IQCM: variants seen among roughly 807,000 people sequenced by gnomAD.
The protein encoded by IQCM is IQ domain-containing protein M.
In IQCM, 45 loss-of-function variants were observed where a neutral mutation model predicts 57.6. That is an observed-to-expected ratio of 0.78 (90% CI 0.62 to 1.00). The LOEUF is 1.00. Ranked by LOEUF, IQCM falls within the 50% of genes least tolerant of loss-of-function variation. IQCM has a pLI of 0.00. For synonymous variants in IQCM, 148 were observed against 158.9 expected (o/e 0.93, Z 0.51); for missense variants, 468 against 511.6 (o/e 0.91, Z 0.82).
intron 13 of IQCM, among the ~76,000 whole-genome samples, chr4:149,391,690 G>T (rs1374887006): frequency 6.6e-6 from 1 of 151,726 alleles, no homozygotes; most frequent in Non-Finnish European, 1.5e-5. Flanking sequence ...ATTTCCATTT[G>T]TCTCAAAGTA....
At chr4:149,751,050 A>G (rs376234006) in intron 2 of IQCM, among the ~76,000 whole-genome samples, 1 of 152,294 alleles carries the variant, frequency 6.6e-6, no homozygotes, top group South Asian at 2.1e-4. Flanking sequence ...GAGCGTTTAT[A>G]TGTAAGGGAT....
chr4:149,700,133 T>C (rs1364027820), intron 5 of IQCM, among the ~76,000 whole-genome samples: 1 of 152,078 alleles, frequency 6.6e-6, no homozygotes, highest in Non-Finnish European at 1.5e-5. Context: ...GTCTCTGATG[T>C]AGAAATCCTG....
chr4:149,740,765 A>G (rs949091407), intron 3 of IQCM, among the ~76,000 whole-genome samples: 1 of 152,126 alleles, frequency 6.6e-6, no homozygotes, highest in Non-Finnish European at 1.5e-5. Context: ...TGAAAAGTAA[A>G]CATACAACAG....
chr4:149,633,704 A>G (rs990757660), intron 7 of IQCM, among the ~76,000 whole-genome samples: 6 of 152,210 alleles, frequency 3.9e-5, no homozygotes, highest in African/African-American at 9.6e-5. Flanking sequence ...ATGTCCACAT[A>G]TGAACCTTTC....
At chr4:149,646,096 G>T (rs764471307) in intron 7 of IQCM, among the ~76,000 whole-genome samples, 2 of 152,192 alleles carry the variant, frequency 1.3e-5, no homozygotes, top group African/African-American at 4.8e-5. Flanking sequence ...AGCCTTGGGG[G>T]AGAAGGGGTC....
At chr4:149,380,364 G>T (rs964003104) in intron 13 of IQCM, among the ~76,000 whole-genome samples, 2 of 152,064 alleles carry the variant, frequency 1.3e-5, no homozygotes, top group African/African-American at 4.8e-5. Context: ...CAATTTGGTG[G>T]CCCAGAGGTA....
intron 12 of IQCM, among the ~76,000 whole-genome samples, chr4:149,506,889 A>G (rs1367205319): frequency 6.6e-6 from 1 of 152,122 alleles, no homozygotes; most frequent in Non-Finnish European, 1.5e-5. Context: ...AGATAGAGCA[A>G]TAGTGAAAGA....
chr4:149,681,934 A>G (rs1762208157), intron 7 of IQCM, among the ~76,000 whole-genome samples, 184 bp downstream of exon 7: 1 of 150,962 alleles, frequency 6.6e-6, no homozygotes, highest in Non-Finnish European at 1.5e-5. Flanking sequence ...TCAATTTCAG[A>G]TAAAGGCATG....
chr4:149,580,623 T>C (rs1376378752), intron 9 of IQCM, among the ~76,000 whole-genome samples: 7 of 151,800 alleles, frequency 4.6e-5, no homozygotes, highest in African/African-American at 1.7e-4. Context: ...TAGGGAACTA[T>C]AGGCTGATTG....
intron 6 of IQCM, among the ~76,000 whole-genome samples, chr4:149,684,447 T>C (rs1383008061): frequency 6.6e-6 from 1 of 151,352 alleles, no homozygotes; most frequent in Non-Finnish European, 1.5e-5. Flanking sequence ...TTCAGGATAA[T>C]TATAAGTTGT....
chr4:149,801,186 G>A (rs1224215281), intron 2 of IQCM, among the ~76,000 whole-genome samples: 1 of 151,760 alleles, frequency 6.6e-6, no homozygotes, highest in African/African-American at 2.4e-5. Flanking sequence ...ACTACAATGA[G>A]ATCATCTCAC....
chr4:149,674,908 A>T lies in IQCM; in HGVS notation c.565+7210T>A, dbSNP rs550620380. 3.3e-5 allele frequency among the ~76,000 whole-genome samples: 5 copies of T among 152,196 alleles called. No individual in the cohort carries two copies. In the South Asian group the frequency reaches 1.0e-3, roughly 32 times the overall value. ...CTTGATATCTGGGCCTACTGTAACC[A>T]CCGGGAGCCTCAGGCTCCCAGTAGG... is the stretch of plus-strand genomic sequence containing the variant. On this transcript the variant is annotated intron_variant, in intron 7 of 13. Coordinates refer to ENST00000636793, the MANE Select transcript of IQCM (RefSeq NM_001363507.2).
intron 12 of IQCM, among the ~76,000 whole-genome samples, chr4:149,538,864 G>GAAAATA (rs1747568185): frequency 6.6e-6 from 1 of 151,656 alleles, no homozygotes; most frequent in Admixed American, 6.6e-5. Context: ...ATGCCATTAA[G>GAAAATA]AAAATAAAAA....
intron 9 of IQCM, among the ~76,000 whole-genome samples, chr4:149,573,107 T>A (rs189837414): frequency 9.2e-5 from 14 of 151,864 alleles, no homozygotes; most frequent in Middle Eastern, 3.4e-3. Context: ...AATTATGAGG[T>A]CATAAAGGTG....
intron 7 of IQCM, among the ~76,000 whole-genome samples, chr4:149,626,948 G>C (rs934880426): frequency 1.3e-5 from 2 of 151,826 alleles, no homozygotes; most frequent in African/African-American, 2.4e-5. Context: ...GAAAAAAAAA[G>C]AACAAAAAAT....
intron 5 of IQCM, among the ~76,000 whole-genome samples, chr4:149,725,612 T>G (rs549998983): frequency 1.3e-5 from 2 of 151,664 alleles, no homozygotes; most frequent in Non-Finnish European, 3.0e-5. Context: ...GATAAAATCT[T>G]CACTTCCCTC....
chr4:149,482,758 T>A (rs1188520107), intron 12 of IQCM, among the ~76,000 whole-genome samples: 4 of 151,774 alleles, frequency 2.6e-5, no homozygotes, highest in African/African-American at 9.7e-5. Context: ...TTAATGTGTC[T>A]TTGGTTTTGG....
At chr4:149,472,474 A>T (rs990936961) in intron 12 of IQCM, among the ~76,000 whole-genome samples, 1 of 152,192 alleles carries the variant, frequency 6.6e-6, no homozygotes, top group Non-Finnish European at 1.5e-5. Context: ...ATAAAAGAGG[A>T]CACAAACAAA....
intron 5 of IQCM, among the ~76,000 whole-genome samples, chr4:149,726,587 T>C (rs1405844349): frequency 6.6e-6 from 1 of 152,188 alleles, no homozygotes; most frequent in Non-Finnish European, 1.5e-5. Context: ...TCCTCAATGA[T>C]CTTATCTAAG....
Sources: allele counts gnomAD v4.1 joint callset (sites outside exome capture counted in the v4.1 genomes callset), GRCh38; gene constraint gnomAD v4.1.1; transcripts MANE v1.5; gene names NCBI Gene and HGNC (gene_info 2026-07-23, HGNC 2026-07-21).